Variants in UPRT observed in about 807,000 individuals in gnomAD.
UPRT encodes uracil phosphoribosyltransferase homolog.
Under a neutral mutation model 22.6 loss-of-function variants are expected in UPRT, and 5 were observed. The ratio of observed to expected loss-of-function variants is 0.22; its 90% confidence interval spans 0.12 to 0.47. The LOEUF is 0.47. Ranked by LOEUF, UPRT falls within the 20% of genes least tolerant of loss-of-function variation. The pLI is 0.99. For synonymous variants in UPRT, 77 were observed against 87.7 expected (o/e 0.88, Z 0.68); for missense variants, 181 against 239.9 (o/e 0.75, Z 1.62).
chrX:75,287,870 A>G (rs1453465594), intron 1 of UPRT, among the ~76,000 whole-genome samples: 1 of 111,676 alleles, frequency 9.0e-6, no homozygotes, highest in Non-Finnish European at 1.9e-5. Flanking sequence ...CATACAGAGG[A>G]TCAACAAAGT....
At chrX:75,173,741 C>T (rs1268929982) in intron 4 of UPRT, among the ~76,000 whole-genome samples, 1 of 111,908 alleles carries the variant, frequency 8.9e-6, no homozygotes, top group South Asian at 3.7e-4. Flanking sequence ...GAGCCCTGCC[C>T]CGCGGGAAGG....
At chrX:75,263,233 T>C (rs1292072713) in intron 4 of UPRT, among the ~76,000 whole-genome samples, 1 of 111,819 alleles carries the variant, frequency 8.9e-6, no homozygotes, top group Admixed American at 9.5e-5. Context: ...GCTGGCCTCA[T>C]AAAATGAGTT....
chrX:75,235,279 A>T (rs969413930), intron 4 of UPRT, among the ~76,000 whole-genome samples: 2 of 111,898 alleles, frequency 1.8e-5, no homozygotes, highest in Non-Finnish European at 3.8e-5. Context: ...AGGCTCTGAC[A>T]TTGAGGCAAT....
chrX:75,233,701 G>A (rs1020917400), intron 4 of UPRT, among the ~76,000 whole-genome samples: 1 of 110,521 alleles, frequency 9.0e-6, no homozygotes, highest in South Asian at 3.9e-4. Context: ...CATAAGAGAC[G>A]GAGAAATAAA....
intron 4 of UPRT, among the ~76,000 whole-genome samples, chrX:75,189,786 C>CA (rs1473022254): frequency 1.8e-5 from 2 of 111,750 alleles, no homozygotes; most frequent in Non-Finnish European, 3.8e-5. Context: ...TCTGTTTTAT[C>CA]AGAGACTAGT....
chrX:75,249,407 A>T (rs1035265633), intron 4 of UPRT, among the ~76,000 whole-genome samples: 1 of 111,806 alleles, frequency 8.9e-6, no homozygotes, highest in Non-Finnish European at 1.9e-5. Flanking sequence ...AGTGGTTGCA[A>T]TCCTAGTCTC....
chrX:75,159,278 C>G (rs2082191957), intron 1 of UPRT, among the ~76,000 whole-genome samples: 1 of 112,169 alleles, frequency 8.9e-6, no homozygotes, highest in Non-Finnish European at 1.9e-5. Flanking sequence ...ATCAATGTTG[C>G]TGCAAATGAC....
At chrX:75,187,155 T>C (rs750902411) in intron 4 of UPRT, among the ~76,000 whole-genome samples, 2 of 111,963 alleles carry the variant, frequency 1.8e-5, no homozygotes, top group Non-Finnish European at 3.8e-5. Flanking sequence ...TTGCAGCAGG[T>C]GGTACCGGTT....
intron 4 of UPRT, among the ~76,000 whole-genome samples, chrX:75,259,200 C>A (rs1379069888): frequency 9.1e-6 from 1 of 110,420 alleles, no homozygotes; most frequent in Non-Finnish European, 1.9e-5. Context: ...TTCCAAAAAC[C>A]AAAATGCCTC....
rs2082622935 is a variant in UPRT at position 75,274,528 on chromosome X, G to C, written c.274G>C (p.Ala92Pro). 1.7e-6 allele frequency: 2 copies of C among 1,210,037 alleles called. No homozygotes were observed. The highest frequency in any genetic ancestry group is 1.7e-5 in the African/African-American group (1 of 57,193). Residue 92 changes from alanine (A) to proline (P), a missense_variant, in exon 1 of 7, where the codon GCT becomes CCT. Transcript: ENST00000373383. Reference protein sequence around the residue: ...SGDSSSYDAPAGNSFLEDCEL... With the variant: ...SGDSSSYDAPPGNSFLEDCEL... ...TGACAGTAGCAGCTATGACGCACCAGCTGGCAACTCCTTCCTAGAGGACTG... is the reference window on the plus strand; with the variant it reads ...TGACAGTAGCAGCTATGACGCACCACCTGGCAACTCCTTCCTAGAGGACTG...
At chrX:75,186,078 T>C (rs1276341843) in intron 4 of UPRT, among the ~76,000 whole-genome samples, 1 of 111,429 alleles carries the variant, frequency 9.0e-6, no homozygotes, top group Non-Finnish European at 1.9e-5. Flanking sequence ...TGAATGTGTT[T>C]GCTCTTGCTT....
chrX:75,255,935 T>C (rs1218493493), intron 4 of UPRT, among the ~76,000 whole-genome samples: 5 of 111,936 alleles, frequency 4.5e-5, no homozygotes, highest in South Asian at 3.7e-4. Context: ...AATACTCCAC[T>C]GACAGCACTA....
At chrX:75,178,327 G>T (rs1244985192) in intron 4 of UPRT, among the ~76,000 whole-genome samples, 2 of 111,886 alleles carry the variant, frequency 1.8e-5, no homozygotes, top group Non-Finnish European at 3.8e-5. Context: ...AGTGAAAGGG[G>T]TCCGATGGTA....
At chrX:75,164,388 C>T (rs2082207809) in intron 3 of UPRT, among the ~76,000 whole-genome samples, 1 of 111,284 alleles carries the variant, frequency 9.0e-6, no homozygotes, top group African/African-American at 3.3e-5. Flanking sequence ...TAAATTACCC[C>T]TTATCAGAAA....
intron 4 of UPRT, among the ~76,000 whole-genome samples, chrX:75,200,472 T>C (rs1316332756): frequency 1.8e-5 from 2 of 111,820 alleles, no homozygotes; most frequent in Non-Finnish European, 3.8e-5. Flanking sequence ...GTGGAGACTG[T>C]AGTCCCAGCT....
exon 1 of UPRT, among the ~76,000 whole-genome samples, chrX:75,156,491 G>C (rs1347404028): frequency 8.9e-6 from 1 of 111,808 alleles, no homozygotes; most frequent in African/African-American, 3.3e-5. Flanking sequence ...GAATATTGGA[G>C]TAACACTGTA....
chrX:75,247,415 G>A (rs1352186976), intron 4 of UPRT, among the ~76,000 whole-genome samples: 1 of 111,915 alleles, frequency 8.9e-6, no homozygotes, highest in Non-Finnish European at 1.9e-5. Context: ...TTTAACAAAC[G>A]GCACACCAAG....
At chrX:75,206,468 T>C (rs941070798) in intron 4 of UPRT, among the ~76,000 whole-genome samples, 56 of 110,695 alleles carry the variant, frequency 5.1e-4, no homozygotes, top group African/African-American at 1.8e-3. Flanking sequence ...CTATACAAGT[T>C]TTTAAGAGCT....
chrX:75,181,795 G>A (rs1384399566), intron 4 of UPRT, among the ~76,000 whole-genome samples: 1 of 111,410 alleles, frequency 9.0e-6, no homozygotes, highest in East Asian at 2.8e-4. Flanking sequence ...CTGCAAACAG[G>A]GATAGTTTGA....
Sources: gnomAD v4.1 joint callset for allele counts (sites outside exome capture counted in the v4.1 genomes callset) on GRCh38, gnomAD v4.1.1 for gene constraint, MANE v1.5 for transcripts, NCBI Gene and HGNC (gene_info 2026-07-23, HGNC 2026-07-21) for gene names.